The following DENND1A variants were observed in gnomAD, a reference collection of about 807,000 sequenced individuals.
DENND1A encodes the protein DENN domain-containing protein 1A.
DENND1A carries 51 observed loss-of-function variants against 113.7 expected under a neutral mutation model. That is an observed-to-expected ratio of 0.45 (90% CI 0.36 to 0.57). The LOEUF (loss-of-function observed/expected upper bound fraction) is 0.57. DENND1A is among the 20% of genes least tolerant of loss of function. The probability of loss-of-function intolerance (pLI) is 0.00; values close to 1 mark genes in which losing one functional copy is unlikely to be tolerated. For synonymous variants in DENND1A, 565 were observed against 570.8 expected (o/e 0.99, Z 0.14); for missense variants, 1,258 against 1,395.9 (o/e 0.90, Z 1.57).
At chr9:123,453,648 T>C (rs2132769102) in intron 16 of DENND1A, among the ~76,000 whole-genome samples, 1 of 152,344 alleles carries the variant, frequency 6.6e-6, no homozygotes, top group East Asian at 1.9e-4. Context: ...GGAGAGAGGC[T>C]GGAACCAGTG....
chr9:123,920,774 T>C (rs76340496), intron 1 of DENND1A, among the ~76,000 whole-genome samples: 18,777 of 151,716 alleles, frequency 0.12, 1,687 homozygotes, highest in African/African-American at 0.26. Flanking sequence ...GGTTTTGCCA[T>C]GTTGGCCCAA....
chr9:123,394,932 C>T (rs1393818072), intron 21 of DENND1A, among the ~76,000 whole-genome samples: 1 of 152,224 alleles, frequency 6.6e-6, no homozygotes, highest in Non-Finnish European at 1.5e-5. Context: ...GCTGTGGGAC[C>T]TGGCTGCCCG....
intron 11 of DENND1A, 130 bp from the exon 12 acceptor site, chr9:123,583,400 C>T (rs545244540): frequency 4.1e-5 from 25 of 607,570 alleles, no homozygotes; most frequent in African/African-American, 3.3e-4. Flanking sequence ...CTGCAGCAGG[C>T]CCAATGGTAG....
intron 5 of DENND1A, among the ~76,000 whole-genome samples, chr9:123,729,696 T>C (rs974548377): frequency 1.3e-5 from 2 of 152,194 alleles, no homozygotes; most frequent in African/African-American, 2.4e-5. Context: ...GAGTAATGTA[T>C]AGATTTAATG....
At chr9:123,549,527 A>C (rs761385040) in intron 13 of DENND1A, among the ~76,000 whole-genome samples, 1 of 152,108 alleles carries the variant, frequency 6.6e-6, no homozygotes, top group Non-Finnish European at 1.5e-5. Flanking sequence ...TGGCCCCCAC[A>C]GTCAGGCTCC....
At chr9:123,694,492 A>G (rs2065381571) in intron 5 of DENND1A, among the ~76,000 whole-genome samples, 1 of 152,226 alleles carries the variant, frequency 6.6e-6, no homozygotes, top group Admixed American at 6.5e-5. Flanking sequence ...ACACATCTGC[A>G]TAGCCTAAAG....
At chr9:123,699,283 G>T (rs932713989) in intron 5 of DENND1A, among the ~76,000 whole-genome samples, 6 of 152,196 alleles carry the variant, frequency 3.9e-5, no homozygotes, top group Admixed American at 2.0e-4. Context: ...TCATTCAAAT[G>T]TCCTTCAGAT....
At chr9:123,616,571 G>C (rs2060659297) in intron 10 of DENND1A, among the ~76,000 whole-genome samples, 1 of 151,980 alleles carries the variant, frequency 6.6e-6, no homozygotes, top group Non-Finnish European at 1.5e-5. Flanking sequence ...GGAGCTAAGG[G>C]GAAAAAAAAA....
chr9:123,382,007 G>A lies in DENND1A; in HGVS notation c.2638C>T (p.Pro880Ser). ...TPFTPQFSFP[P>S]AGTPTPFPQP... is the part of the protein sequence containing the mutation. ...GGGAATGGGGTGGGTGTCCCTGCAG[G>A]GGGGAAGCTGAATTGGGGGGTGAAT... The change falls in exon 24 of 24, where the codon CCT becomes TCT. Residue 880 changes from proline (P) to serine (S), a missense_variant. This residue lies in a region of DENND1A where 1,159 missense variants were observed against 1,231.7 expected (regional missense o/e 0.94). Transcript: ENST00000394215. The A allele has an allele frequency of 1.3e-6, 2 of 1,485,772 alleles. No individual in the cohort carries two copies. The highest frequency in any genetic ancestry group is 1.9e-4 in the Middle Eastern group (1 of 5,270). 92.0% of individuals were successfully genotyped at this position (1,485,772 alleles called of 1,614,324 possible).
At chr9:123,652,717 T>A (rs926987207) in intron 8 of DENND1A, among the ~76,000 whole-genome samples, 7 of 152,196 alleles carry the variant, frequency 4.6e-5, no homozygotes, top group African/African-American at 1.7e-4. Context: ...ACGGCTCAGC[T>A]GGAATTAAGG....
chr9:123,709,833 C>A (rs2066466803), intron 5 of DENND1A, among the ~76,000 whole-genome samples: 1 of 152,120 alleles, frequency 6.6e-6, no homozygotes, highest in Admixed American at 6.5e-5. Context: ...TTCTTCAAGA[C>A]AAAGGATCCA....
intron 13 of DENND1A, among the ~76,000 whole-genome samples, chr9:123,466,527 C>T (rs531185011): frequency 1.3e-5 from 2 of 152,180 alleles, no homozygotes; most frequent in Non-Finnish European, 2.9e-5. Flanking sequence ...CTCAAACTGA[C>T]CTCAAGTGAT....
intron 18 of DENND1A, among the ~76,000 whole-genome samples, chr9:123,449,467 G>A (rs2132628424): frequency 1.3e-5 from 2 of 151,720 alleles, no homozygotes; most frequent in East Asian, 3.9e-4. Context: ...CCCGGGAGGT[G>A]GAGGTTGCAG....
At chr9:123,757,872 T>A in intron 4 of DENND1A, 50 bp from the exon 5 acceptor site, 4 of 1,599,540 alleles carry the variant, frequency 2.5e-6, no homozygotes, top group Non-Finnish European at 3.4e-6. Context: ...GTAAGTTTCT[T>A]GATAAAGTAT....
intron 18 of DENND1A, among the ~76,000 whole-genome samples, chr9:123,441,581 CTGGCAGCTGACTATACACGTGGG>C (rs1166131233): frequency 6.6e-6 from 1 of 152,208 alleles, no homozygotes; most frequent in Non-Finnish European, 1.5e-5. Context: ...GTGGCTGAAG[CTGGCAGCTGACTATACACGTGGG>C]TCATTTGGAA....
Position 123,460,447 on chromosome 9 carries a change from C to T in DENND1A, c.994-2550G>A, listed in dbSNP as rs533796978. Among the ~76,000 whole-genome samples the T allele has an allele frequency of 9.2e-5, 14 of 152,300 alleles. No homozygotes were observed. In the East Asian group the frequency reaches 1.5e-3, roughly 17 times the overall value. The stretch of plus-strand genomic sequence containing the variant: ...AATCCTGGCAGCTCAGACACCTTTC[C>T]GAAGCTCTATACCCATCCATCTCAA... On this transcript the variant is annotated intron_variant, in intron 13 of 23. Transcript: ENST00000394215.
At chr9:123,748,174 T>C (rs1270194371) in intron 5 of DENND1A, among the ~76,000 whole-genome samples, 1 of 152,198 alleles carries the variant, frequency 6.6e-6, no homozygotes, top group Non-Finnish European at 1.5e-5. Context: ...GAATATTTAA[T>C]GACATGTAAA....
chr9:123,819,838 G>A (rs372605495), intron 2 of DENND1A, among the ~76,000 whole-genome samples: 10 of 151,902 alleles, frequency 6.6e-5, no homozygotes, highest in African/African-American at 2.2e-4. Context: ...TGCCCAGCTG[G>A]GATTAGAAGA....
At chr9:123,809,918 G>A (rs1234763201) in intron 2 of DENND1A, among the ~76,000 whole-genome samples, 2 of 152,066 alleles carry the variant, frequency 1.3e-5, no homozygotes, top group Non-Finnish European at 2.9e-5. Context: ...CAAGTGATCC[G>A]CCTACCTCAG....
Sources: allele counts gnomAD v4.1 joint callset (sites outside exome capture counted in the v4.1 genomes callset), GRCh38; gene constraint gnomAD v4.1.1; regional missense constraint gnomAD v4.1.1; transcripts MANE v1.5; gene names NCBI Gene and HGNC (gene_info 2026-07-23, HGNC 2026-07-21).